SV2C: variants seen among roughly 807,000 people sequenced by gnomAD.
SV2C encodes solute carrier family 22 member B3.
In SV2C, 49 loss-of-function variants were observed where a neutral mutation model predicts 79.7. That is an observed-to-expected ratio of 0.61 (90% CI 0.49 to 0.78). The LOEUF is 0.78. Among genes scored for constraint, SV2C ranks in the 30% least tolerant of loss-of-function variants. The pLI, the probability that SV2C is intolerant of heterozygous loss-of-function variation, is 0.00. For missense variants in SV2C, 833 were observed against 912.9 expected (o/e 0.91, Z 1.13); for synonymous variants, 334 against 333.2 (o/e 1.00, Z -0.03).
At chr5:76,237,773 G>A (rs994271908) in intron 4 of SV2C, among the ~76,000 whole-genome samples, 4 of 152,042 alleles carry the variant, frequency 2.6e-5, no homozygotes, top group African/African-American at 9.7e-5. Context: ...CTAGCATCCA[G>A]CATTGTTGAT....
At chr5:76,150,397 C>T (rs1272492148) in intron 2 of SV2C, among the ~76,000 whole-genome samples, 1 of 151,964 alleles carries the variant, frequency 6.6e-6, no homozygotes, top group Non-Finnish European at 1.5e-5. Flanking sequence ...AGGATGGTCT[C>T]AATCTCTCGA....
chr5:76,257,468 C>T (rs574408170), intron 4 of SV2C, among the ~76,000 whole-genome samples: 4 of 148,114 alleles, frequency 2.7e-5, no homozygotes, highest in South Asian at 2.2e-4. Context: ...TGGGGGATAG[C>T]GGTGTGTATG....
At chr5:75,967,292 T>C in the SV2C span, among the ~76,000 whole-genome samples, 12 of 152,092 alleles carry the variant, frequency 7.9e-5, no homozygotes, top group Admixed American at 7.2e-4. Flanking sequence ...AGGTACCGGG[T>C]TCATCTCACT....
chr5:75,900,973 G>A, the SV2C span, among the ~76,000 whole-genome samples: 1 of 152,132 alleles, frequency 6.6e-6, no homozygotes, highest in Non-Finnish European at 1.5e-5. Context: ...GGTTATTCTA[G>A]TTATACATTT....
chr5:76,122,100 G>C (rs1306172516), intron 1 of SV2C, among the ~76,000 whole-genome samples: 1 of 151,392 alleles, frequency 6.6e-6, no homozygotes, highest in Non-Finnish European at 1.5e-5. Context: ...CTTGTAAGTT[G>C]GATTCCTAGG....
At chr5:76,184,128 T>C (rs1012371827) in intron 2 of SV2C, among the ~76,000 whole-genome samples, 8 of 152,224 alleles carry the variant, frequency 5.3e-5, no homozygotes, top group African/African-American at 1.9e-4. Context: ...GCCTCTTGGA[T>C]AGAGAAGAAA....
At chr5:76,183,030 ATT>A (rs759427459) in intron 2 of SV2C, among the ~76,000 whole-genome samples, 2,099 of 101,686 alleles carry the variant, frequency 0.021, 13 homozygotes, top group Middle Eastern at 0.051. Flanking sequence ...AGAACCTACC[ATT>A]TTTTTTTTTT....
In SV2C at chr5:76,332,081, C is replaced by G. The variant is rs31267; in HGVS notation, c.*6534C>G. ...ACTCTCCATGTCTGCAGAAGATTCC[C>G]CACTTGGTGCTGAAGGCTAGGTGCC... On this transcript the variant is annotated 3_prime_UTR_variant, in exon 13 of 13. Coordinates refer to ENST00000502798, the MANE Select transcript of SV2C (RefSeq NM_014979.4). 27,537 of 152,166 alleles carry G rather than the reference C, an allele frequency of 0.18. 3,323 individuals carry two copies. Among genetic ancestry groups the G allele is most frequent in the Non-Finnish European group, 0.28 (19,109 of 67,986 alleles). The allele number at this position is 152,166 out of a possible 1,614,324, so 9.4% of individuals were successfully genotyped here.
intron 4 of SV2C, among the ~76,000 whole-genome samples, chr5:76,216,741 C>G (rs1744916697): frequency 6.6e-6 from 1 of 152,168 alleles, no homozygotes; most frequent in Admixed American, 6.5e-5. Flanking sequence ...TTTCAGCCTT[C>G]CTGCCCTTCC....
At chr5:75,903,018 A>T in the SV2C span, among the ~76,000 whole-genome samples, 1 of 152,160 alleles carries the variant, frequency 6.6e-6, no homozygotes, top group East Asian at 1.9e-4. Context: ...TGTGAGATGG[A>T]TTCTTGTTTT....
the SV2C span, among the ~76,000 whole-genome samples, chr5:76,036,604 C>A: frequency 6.6e-6 from 1 of 152,152 alleles, no homozygotes; most frequent in Non-Finnish European, 1.5e-5. Context: ...GAATTTCTGC[C>A]GAGAGATCTG....
downstream of SV2C, among the ~76,000 whole-genome samples, chr5:76,336,489 G>A (rs1410972412): frequency 1.3e-5 from 2 of 152,050 alleles, no homozygotes; most frequent in Admixed American, 1.3e-4. Flanking sequence ...CCCAGATGGG[G>A]TGGCGGCCAG....
upstream of SV2C, chr5:76,079,006 C>T (rs931368673): frequency 6.8e-6 from 3 of 442,054 alleles, no homozygotes; most frequent in Admixed American, 2.8e-5. Flanking sequence ...GCGATTACCA[C>T]CTGTAGTTTG....
intron 12 of SV2C, among the ~76,000 whole-genome samples, chr5:76,302,907 A>G (rs1335194104): frequency 1.3e-5 from 2 of 152,194 alleles, no homozygotes; most frequent in African/African-American, 4.8e-5. Flanking sequence ...TCCTAGAACT[A>G]TGCCAAAACA....
chr5:76,166,542 G>C (rs3922566), intron 2 of SV2C, among the ~76,000 whole-genome samples: 2 of 131,268 alleles, frequency 1.5e-5, no homozygotes, highest in South Asian at 5.4e-4. Context: ...TTAAAATAAA[G>C]CTACCTTTGT....
At chr5:75,917,423 A>G in the SV2C span, among the ~76,000 whole-genome samples, 1 of 152,218 alleles carries the variant, frequency 6.6e-6, no homozygotes, top group Non-Finnish European at 1.5e-5. Flanking sequence ...GAAAAAGAAG[A>G]GAAATAACAG....
chr5:76,242,155 T>G (rs1205973845), intron 4 of SV2C: 1 of 1,259,526 alleles, frequency 7.9e-7, no homozygotes, highest in African/African-American at 1.4e-5. Context: ...TTCTCTCCCT[T>G]CTTTGCAGGG....
At chr5:75,897,328 C>G in the SV2C span, among the ~76,000 whole-genome samples, 2 of 151,794 alleles carry the variant, frequency 1.3e-5, no homozygotes, top group African/African-American at 4.9e-5. Flanking sequence ...ATAGGGAATC[C>G]TTTCCTCATT....
chr5:75,870,721 C>G, the SV2C span, among the ~76,000 whole-genome samples: 1 of 152,166 alleles, frequency 6.6e-6, no homozygotes, highest in Non-Finnish European at 1.5e-5. Context: ...ATTTAATAAT[C>G]AAACTCCAAA....
Sources: allele counts gnomAD v4.1 joint callset (sites outside exome capture counted in the v4.1 genomes callset), GRCh38; gene constraint gnomAD v4.1.1; transcripts MANE v1.5; gene names NCBI Gene and HGNC (gene_info 2026-07-23, HGNC 2026-07-21).